AGPAT5: variants seen among roughly 807,000 people sequenced by gnomAD.
AGPAT5 encodes 1-acylglycerol-3-phosphate O-acyltransferase 5.
Under a neutral mutation model 45.6 loss-of-function variants are expected in AGPAT5, and 46 were observed. That is an observed-to-expected ratio of 1.01 (90% confidence interval 0.80 to 1.29). AGPAT5 has a LOEUF of 1.29. Among genes scored for constraint, AGPAT5 ranks in the 50% most tolerant of loss-of-function variants. The pLI is 0.00. For synonymous variants in AGPAT5, 272 were observed against 167.0 expected, an observed-to-expected ratio of 1.63 and a Z score of -4.85; for missense variants, 673 against 450.7, an observed-to-expected ratio of 1.49 and a Z score of -4.47.
At chr8:6,750,156 C>A (rs764795724) in intron 6 of AGPAT5, among the ~76,000 whole-genome samples, 11 of 152,258 alleles carry the variant, frequency 7.2e-5, no homozygotes, top group Non-Finnish European at 1.6e-4. Context: ...TGTGCCTTCT[C>A]CTGCCCCTGC....
intron 5 of AGPAT5, among the ~76,000 whole-genome samples, chr8:6,743,166 T>C (rs938144721): frequency 1.3e-5 from 2 of 152,242 alleles, no homozygotes; most frequent in African/African-American, 4.8e-5. Context: ...TTCCAGCCTC[T>C]TTCTGCTTCA....
At chr8:6,732,484 G>C in intron 3 of AGPAT5, 77 bp from the exon 4 acceptor site, 1 of 1,092,230 alleles carries the variant, frequency 9.2e-7, no homozygotes. Context: ...TTTTGCAAGA[G>C]AAGTTGCCTT....
intron 5 of AGPAT5, among the ~76,000 whole-genome samples, chr8:6,743,330 G>A (rs1801300290): frequency 1.3e-5 from 2 of 152,136 alleles, no homozygotes; most frequent in African/African-American, 4.8e-5. Flanking sequence ...TCCCCTCCAT[G>A]TCTCTCTGCC....
rs149354431 is a variant in AGPAT5, at chr8:6,740,020, A to C, written c.496-1641A>C. On this transcript the variant is annotated intron_variant, in intron 4 of 7. Transcript: ENST00000285518. The stretch of plus-strand genomic sequence containing the variant: ...ATTTCTTTTCCTCACTTGTCCATGA[A>C]GGGAAGGACCATATGTGTTGTTATC... Among the ~76,000 whole-genome samples the C allele has an allele frequency of 1.3e-3, 199 of 152,214 alleles. 3 individuals carry two copies. In the Middle Eastern group the frequency reaches 0.027, roughly 21 times the overall value.
intron 1 of AGPAT5, 146 bp downstream of exon 1, chr8:6,709,033 C>G: frequency 1.3e-6 from 1 of 795,282 alleles, no homozygotes; most frequent in Non-Finnish European, 2.1e-6. Context: ...CCGCCTTCCT[C>G]TCCGCATGCT....
chr8:6,723,173 A>G (rs1040791186), intron 1 of AGPAT5, among the ~76,000 whole-genome samples: 1 of 152,194 alleles, frequency 6.6e-6, no homozygotes, highest in African/African-American at 2.4e-5. Context: ...AAAAGTGTAA[A>G]TAATTCAGTA....
intron 1 of AGPAT5, among the ~76,000 whole-genome samples, chr8:6,715,806 T>C (rs1036700836): frequency 1.5e-4 from 23 of 152,238 alleles, no homozygotes; most frequent in African/African-American, 5.5e-4. Flanking sequence ...AGTAACTCTT[T>C]GCTTGGGTTA....
In AGPAT5 at chr8:6,730,895, A is replaced by G. The variant is rs561695803; in HGVS notation, c.405+69A>G. ...AATTTTTTTTTTTTTTTTTGGAGAC[A>G]GTCTCACTTTATTGCTCAGGCTGAG... On this transcript the variant is annotated intron_variant, in intron 3 of 7. Transcript: ENST00000285518. 12 of 948,352 alleles carry G rather than the reference A, an allele frequency of 1.3e-5. No homozygotes were observed. In the African/African-American group the frequency reaches 1.5e-4, roughly 12 times the overall value. 58.7% of individuals were successfully genotyped at this position (948,352 alleles called of 1,614,324 possible). A position where few individuals can be genotyped will look rare whatever the true frequency, so the allele number is the denominator to read the frequency against.
chr8:6,752,731 C>CTA (rs1336136287), intron 6 of AGPAT5, among the ~76,000 whole-genome samples: 1 of 152,158 alleles, frequency 6.6e-6, no homozygotes, highest in Non-Finnish European at 1.5e-5. Flanking sequence ...CCCTAAGGTG[C>CTA]TATAGGGTGA....
At chr8:6,749,478 A>G (rs1263493082) in intron 6 of AGPAT5, among the ~76,000 whole-genome samples, 1 of 152,230 alleles carries the variant, frequency 6.6e-6, no homozygotes, top group Non-Finnish European at 1.5e-5. Context: ...TTAAAACTGT[A>G]CGAAATGCAC....
At chr8:6,751,060 G>A (rs981095951) in intron 6 of AGPAT5, among the ~76,000 whole-genome samples, 8 of 151,618 alleles carry the variant, frequency 5.3e-5, no homozygotes, top group Non-Finnish European at 1.0e-4. Context: ...TTCTGTCACT[G>A]GCTCAGCCCT....
intron 1 of AGPAT5, among the ~76,000 whole-genome samples, chr8:6,715,315 A>C (rs1292477527): frequency 6.6e-6 from 1 of 152,216 alleles, no homozygotes; most frequent in Non-Finnish European, 1.5e-5. Context: ...AAGGTAATGT[A>C]GTCATCCAGG....
intron 1 of AGPAT5, chr8:6,709,212 C>T (rs920122939): frequency 2.5e-6 from 1 of 394,914 alleles, no homozygotes; most frequent in Non-Finnish European, 4.8e-6. Flanking sequence ...TTAGCAGTTT[C>T]TGGCCTTTGG....
intron 7 of AGPAT5, 125 bp from the exon 8 acceptor site, chr8:6,757,038 G>C: frequency 1.5e-6 from 1 of 676,206 alleles, no homozygotes. Flanking sequence ...GGATGTTTCC[G>C]TATTCATCCT....
chr8:6,741,866 T>C, intron 5 of AGPAT5, 115 bp downstream of exon 5: 1 of 749,090 alleles, frequency 1.3e-6, no homozygotes, highest in Non-Finnish European at 2.2e-6. Context: ...ATGTATTCAT[T>C]CCTTGAATTA....
chr8:6,721,078 G>A (rs936588799), intron 1 of AGPAT5, among the ~76,000 whole-genome samples: 1 of 152,210 alleles, frequency 6.6e-6, no homozygotes, highest in Non-Finnish European at 1.5e-5. Context: ...AATTGTGTTT[G>A]TATTGATTAT....
intron 6 of AGPAT5, 108 bp downstream of exon 6, chr8:6,747,936 T>A: frequency 9.1e-7 from 1 of 1,100,936 alleles, no homozygotes; most frequent in Non-Finnish European, 1.3e-6. Flanking sequence ...TTTCCTTCAT[T>A]ACATTTACCC....
At chr8:6,752,531 T>G (rs1015712071) in intron 6 of AGPAT5, among the ~76,000 whole-genome samples, 1 of 152,042 alleles carries the variant, frequency 6.6e-6, no homozygotes, top group African/African-American at 2.4e-5. Context: ...GGCTTCATCT[T>G]GTTGGAATGT....
chr8:6,745,694 A>T (rs1801422980), intron 5 of AGPAT5: 1 of 145,488 alleles, frequency 6.9e-6, no homozygotes, highest in African/African-American at 2.6e-5. Flanking sequence ...GGGTTGTCGT[A>T]TTCCCTGTTA....
Sources: gnomAD v4.1 joint callset for allele counts (sites outside exome capture counted in the v4.1 genomes callset) on GRCh38, gnomAD v4.1.1 for gene constraint, MANE v1.5 for transcripts, NCBI Gene and HGNC (gene_info 2026-07-23, HGNC 2026-07-21) for gene names.